Variants in AHCTF1 observed in about 807,000 individuals in gnomAD.
The protein encoded by AHCTF1 is protein ELYS.
AHCTF1 carries 24 observed loss-of-function variants against 248.4 expected under a neutral mutation model. The ratio of observed to expected loss-of-function variants is 0.10; its 90% CI spans 0.07 to 0.14. The LOEUF (loss-of-function observed/expected upper bound fraction) is 0.14, where lower values mean the gene tolerates loss of function less well. AHCTF1 is among the 10% of genes least tolerant of loss of function. AHCTF1 has a pLI of 1.00. For missense variants in AHCTF1, 2,206 were observed against 2,636.2 expected, an observed-to-expected ratio of 0.84 and a Z score of 3.57; for synonymous variants, 786 against 929.8, an observed-to-expected ratio of 0.85 and a Z score of 2.81.
In AHCTF1 at chr1:246,874,846, A is replaced by G. The variant is rs545347964; in HGVS notation, c.3088+1191T>C. Among the ~76,000 whole-genome samples the G allele has an allele frequency of 2.0e-5, 3 of 152,320 alleles. No individual in the cohort carries two copies. In the South Asian group the frequency reaches 6.2e-4, roughly 32 times the overall value. On this transcript the variant is annotated intron_variant, in intron 24 of 35. Transcript: ENST00000648844. The stretch of plus-strand genomic sequence containing the variant: ...CAAAAAAACCTGACCTCCGGCTCTC[A>G]GCCCTCAAGAATGAGGAGTGACATA...
rs1047317807 is a variant in AHCTF1 at position 246,839,693 on chromosome 1, G to A, written c.*1113C>T. 5.2e-5 allele frequency: 18 copies of A among 345,120 alleles called. No individual in the cohort carries two copies. The highest frequency in any genetic ancestry group is 2.3e-4 in the South Asian group (2 of 8,608). The allele number at this position is 345,120 out of a possible 1,614,324, so 21.4% of individuals were successfully genotyped here. On this transcript the variant is annotated 3_prime_UTR_variant, in exon 36 of 36. Coordinates refer to ENST00000648844, the MANE Select transcript of AHCTF1 (RefSeq NM_001323342.2). The stretch of plus-strand genomic sequence containing the variant: ...TATTAAAAGCCCACGAAAGCAGTTC[G>A]TTTCTAGATAATCAATTATTAATAG...
chr1:246,875,460 T>C (rs1392255560), intron 24 of AHCTF1, among the ~76,000 whole-genome samples: 1 of 152,182 alleles, frequency 6.6e-6, no homozygotes, highest in Non-Finnish European at 1.5e-5. Context: ...AAACTTAAGA[T>C]GACAGGGCAG....
At chr1:246,856,798 T>C (rs1558217754) in intron 30 of AHCTF1, among the ~76,000 whole-genome samples, 1 of 152,234 alleles carries the variant, frequency 6.6e-6, no homozygotes. Flanking sequence ...TGTGATTTAG[T>C]TCAAGGTACA....
intron 24 of AHCTF1, among the ~76,000 whole-genome samples, chr1:246,868,921 T>C (rs1213852292): frequency 2.0e-5 from 3 of 148,546 alleles, no homozygotes; most frequent in Non-Finnish European, 4.5e-5. Context: ...CTCGGCTCAC[T>C]GCAAGTTCTG....
chr1:246,892,810 A>ATT (rs11436581), intron 14 of AHCTF1, among the ~76,000 whole-genome samples: 105 of 150,640 alleles, frequency 7.0e-4, no homozygotes, highest in Middle Eastern at 3.4e-3. Flanking sequence ...TAAAAAAAAG[A>ATT]TTTTTTTTTG....
At chr1:246,901,760 A>G (rs1401397923) in intron 8 of AHCTF1, among the ~76,000 whole-genome samples, 1 of 152,202 alleles carries the variant, frequency 6.6e-6, no homozygotes, top group Non-Finnish European at 1.5e-5. Context: ...CAAGGCTGCA[A>G]CCAGCCAAGA....
chr1:246,857,290 T>C lies in AHCTF1; in HGVS notation c.4256+401A>G, dbSNP rs547165407. Among the ~76,000 whole-genome samples the C allele has an allele frequency of 4.6e-5, 7 of 152,172 alleles. No individual in the cohort carries two copies. The East Asian group carries it at 1.3e-3, about 29-fold the overall frequency. On this transcript the variant is annotated intron_variant, in intron 30 of 35. Transcript: ENST00000648844. ...GTTAAAAAACACAAACTTAGAGTCATGTATTGAACAAATGGAAGGAAATAA... is the reference window on the plus strand; with the variant it reads ...GTTAAAAAACACAAACTTAGAGTCACGTATTGAACAAATGGAAGGAAATAA...
At chr1:246,900,576 T>C in intron 8 of AHCTF1, 107 bp from the exon 9 acceptor site, 1 of 1,205,570 alleles carries the variant, frequency 8.3e-7, no homozygotes, top group Non-Finnish European at 1.1e-6. Context: ...GTTTAATTCA[T>C]ATTTCACTTG....
At chr1:246,868,905 TGTGA>T (rs1662272455) in intron 24 of AHCTF1, among the ~76,000 whole-genome samples, 1 of 148,248 alleles carries the variant, frequency 6.7e-6, no homozygotes, top group Admixed American at 6.8e-5. Context: ...AGTGCAGTGG[TGTGA>T]TCTCGGCTCA....
chr1:246,922,793 T>A (rs1358387776), intron 1 of AHCTF1, among the ~76,000 whole-genome samples: 1 of 150,662 alleles, frequency 6.6e-6, no homozygotes, highest in Non-Finnish European at 1.5e-5. Flanking sequence ...CCATCCTGGA[T>A]AACACGGTGA....
rs1298857107 is a variant in AHCTF1 at position 246,931,470 on chromosome 1, G to T, written c.-8+108C>A. The T allele has an allele frequency of 1.7e-5, 16 of 969,424 alleles. No individual in the cohort carries two copies. In the African/African-American group the frequency reaches 3.3e-4, roughly 20 times the overall value. The allele number at this position is 969,424 out of a possible 1,614,324, so 60.1% of individuals were successfully genotyped here. On this transcript the variant is annotated intron_variant, in intron 1 of 35. Coordinates refer to ENST00000648844, the MANE Select transcript of AHCTF1 (RefSeq NM_001323342.2). ...CCGGCCTAGGCCCGGCGCTCGCGGG[G>T]CAGAAGCCCCGCCGCCGCCGCCGCC...
At chr1:246,904,345 A>G (rs1283986587) in intron 6 of AHCTF1, among the ~76,000 whole-genome samples, 1 of 152,208 alleles carries the variant, frequency 6.6e-6, no homozygotes, top group Non-Finnish European at 1.5e-5. Flanking sequence ...CTACTTAAAC[A>G]CATGGTTGCC....
At chr1:246,931,520 G>GCC in intron 1 of AHCTF1, 58 bp downstream of exon 1, 1 of 399,248 alleles carries the variant, frequency 2.5e-6, no homozygotes, top group Non-Finnish European at 3.4e-6. Flanking sequence ...CGCGGGTCCA[G>GCC]GCCGCGCGAC....
chr1:246,875,034 C>A (rs1195182195), intron 24 of AHCTF1, among the ~76,000 whole-genome samples: 1 of 140,666 alleles, frequency 7.1e-6, no homozygotes, highest in Non-Finnish European at 1.6e-5. Flanking sequence ...CCTGACAGGC[C>A]AACAACTTAT....
intron 2 of AHCTF1, among the ~76,000 whole-genome samples, chr1:246,916,611 G>C (rs1666165738): frequency 6.6e-6 from 1 of 152,136 alleles, no homozygotes. Flanking sequence ...CCGAGATCAT[G>C]CCACTGCACT....
At chr1:246,898,471 G>A in intron 11 of AHCTF1, 135 bp from the exon 12 acceptor site, 1 of 975,588 alleles carries the variant, frequency 1.0e-6, no homozygotes, top group South Asian at 1.8e-5. Flanking sequence ...TATATTTCCT[G>A]CAAGAAACAG....
intron 21 of AHCTF1, among the ~76,000 whole-genome samples, chr1:246,883,749 G>A (rs1663620746): frequency 6.6e-6 from 1 of 152,156 alleles, no homozygotes; most frequent in Non-Finnish European, 1.5e-5. Flanking sequence ...TGTATTTAAT[G>A]TATAGGAGCC....
intron 19 of AHCTF1, 152 bp downstream of exon 19, chr1:246,888,025 G>A (rs1663950040): frequency 1.3e-6 from 1 of 799,722 alleles, no homozygotes; most frequent in African/African-American, 1.8e-5. Context: ...CAGGCCATCT[G>A]AGCCCAAACA....
At chr1:246,923,914 T>C (rs1415503981) in intron 1 of AHCTF1, among the ~76,000 whole-genome samples, 1 of 152,150 alleles carries the variant, frequency 6.6e-6, no homozygotes, top group Non-Finnish European at 1.5e-5. Context: ...CTACATACTA[T>C]GCCACAGGAC....
Sources: allele counts gnomAD v4.1 joint callset (sites outside exome capture counted in the v4.1 genomes callset), GRCh38; gene constraint gnomAD v4.1.1; transcripts MANE v1.5; gene names NCBI Gene and HGNC (gene_info 2026-07-23, HGNC 2026-07-21).